MCF2L2: variants seen among roughly 807,000 people sequenced by gnomAD.
MCF2L2 encodes the protein MCF.2 cell line derived transforming sequence-like 2, also known as probable guanine nucleotide exchange factor MCF2L2.
Under a neutral mutation model 150.2 loss-of-function variants are expected in MCF2L2, and 102 were observed. The ratio of observed to expected loss-of-function variants is 0.68; its 90% confidence interval spans 0.58 to 0.80. MCF2L2 has a LOEUF of 0.80. Among genes scored for constraint, MCF2L2 ranks in the 30% least tolerant of loss-of-function variants. MCF2L2 has a pLI of 0.00. For missense variants in MCF2L2, 1,256 were observed against 1,372.8 expected, an observed-to-expected ratio of 0.91 and a Z score of 1.34; for synonymous variants, 465 against 491.3, an observed-to-expected ratio of 0.95 and a Z score of 0.71.
intron 15 of MCF2L2, among the ~76,000 whole-genome samples, chr3:183,269,024 G>A (rs1242149399): frequency 6.6e-6 from 1 of 151,792 alleles, no homozygotes; most frequent in Admixed American, 6.6e-5. Flanking sequence ...TAAAAAAAAA[G>A]AAAAAAGAAG....
chr3:183,334,440 G>A (rs908098920), intron 5 of MCF2L2, among the ~76,000 whole-genome samples: 4 of 152,054 alleles, frequency 2.6e-5, no homozygotes, highest in African/African-American at 7.2e-5. Flanking sequence ...GATGAGCACC[G>A]TGGGCCTCCA....
intron 1 of MCF2L2, among the ~76,000 whole-genome samples, chr3:183,409,286 T>C (rs1424935248): frequency 6.6e-6 from 1 of 152,194 alleles, no homozygotes; most frequent in East Asian, 1.9e-4. Context: ...CACTTTGTCA[T>C]TTACTGGTTT....
At chr3:183,330,209 C>T (rs1029720214) in intron 5 of MCF2L2, among the ~76,000 whole-genome samples, 2 of 135,124 alleles carry the variant, frequency 1.5e-5, no homozygotes, top group African/African-American at 5.7e-5. Context: ...CACACCACTG[C>T]ACTCCTGCCC....
chr3:183,299,650 G>A, intron 11 of MCF2L2: 1 of 207,654 alleles, frequency 4.8e-6, no homozygotes, highest in Non-Finnish European at 9.5e-6. Context: ...CTTTATATGA[G>A]GGAAGCACTC....
intron 21 of MCF2L2, 50 bp downstream of exon 21, chr3:183,219,802 GACAA>G: frequency 8.1e-7 from 1 of 1,233,554 alleles, no homozygotes; most frequent in Non-Finnish European, 1.2e-6. Context: ...CCGACCCATA[GACAA>G]ACACCATTAA....
chr3:183,423,391 C>T (rs1225999195), intron 1 of MCF2L2, among the ~76,000 whole-genome samples: 5 of 152,188 alleles, frequency 3.3e-5, no homozygotes, highest in Admixed American at 3.3e-4. Flanking sequence ...GAGCCTCTGT[C>T]ACCAAAATAG....
In MCF2L2 at chr3:183,296,936, G is replaced by A. The variant is rs371060571; in HGVS notation, c.1497+40C>T. Reference sequence around the variant, plus strand: ...GGTACAGTCCCTCCCTCCCCTATCCGTTTCCCAACCACAGGATCAAAATAA... The same window carrying A: ...GGTACAGTCCCTCCCTCCCCTATCCATTTCCCAACCACAGGATCAAAATAA... On this transcript the variant is annotated intron_variant, in intron 12 of 29. Transcript: ENST00000328913. The A allele has an allele frequency of 5.9e-4, 932 of 1,588,208 alleles. 12 individuals are homozygous for A. In the South Asian group the frequency reaches 9.1e-3, roughly 16 times the overall value.
chr3:183,338,815 A>G lies in MCF2L2; in HGVS notation c.471T>C (p.Phe157=). The change falls in exon 5 of 30, where the codon TTT becomes TTC. Residue 157 remains phenylalanine (F), a synonymous_variant. Transcript: ENST00000328913. ...DIGIKYYRNE[F]KTKVPIIMVN... ...TCTTGCTTACCGGCACTTTCGTTTT[A>G]AACTCATTTCGATAGTATTTAATGC... The G allele has an allele frequency of 6.2e-7, 1 of 1,600,908 alleles. No individual in the cohort carries two copies. Among genetic ancestry groups the G allele is most frequent in the South Asian group, 1.1e-5 (1 of 89,580 alleles).
intron 5 of MCF2L2, among the ~76,000 whole-genome samples, chr3:183,333,935 T>C (rs1462268440): frequency 7.2e-6 from 1 of 138,672 alleles, no homozygotes; most frequent in Admixed American, 7.8e-5. Flanking sequence ...TAGATGATCA[T>C]ATTAGGCCAG....
chr3:183,343,045 A>C (rs1730763586), intron 3 of MCF2L2, among the ~76,000 whole-genome samples: 1 of 152,186 alleles, frequency 6.6e-6, no homozygotes, highest in Non-Finnish European at 1.5e-5. Flanking sequence ...TGAAATAAGG[A>C]CATTTCCAGA....
chr3:183,188,693 C>A (rs1032494990), intron 27 of MCF2L2, among the ~76,000 whole-genome samples: 1 of 152,180 alleles, frequency 6.6e-6, no homozygotes. Flanking sequence ...TACAGCCTGG[C>A]GCGCTGGCTC....
At chr3:183,284,845 T>C (rs895583767) in intron 14 of MCF2L2, among the ~76,000 whole-genome samples, 1 of 152,240 alleles carries the variant, frequency 6.6e-6, no homozygotes. Flanking sequence ...ATCTTTGTTC[T>C]GGAAACTTCA....
intron 27 of MCF2L2, among the ~76,000 whole-genome samples, chr3:183,188,350 G>T (rs1721768101): frequency 6.6e-6 from 1 of 152,188 alleles, no homozygotes; most frequent in Non-Finnish European, 1.5e-5. Flanking sequence ...GAGACATGGG[G>T]AGAAAACAAT....
At chr3:183,402,857 A>T (rs1011039759) in intron 1 of MCF2L2, among the ~76,000 whole-genome samples, 1 of 148,106 alleles carries the variant, frequency 6.8e-6, no homozygotes, top group African/African-American at 2.6e-5. Flanking sequence ...GCCTCATATC[A>T]TAGACAAAAA....
intron 5 of MCF2L2, among the ~76,000 whole-genome samples, chr3:183,337,420 G>A (rs776975446): frequency 1.3e-5 from 2 of 151,954 alleles, no homozygotes; most frequent in Non-Finnish European, 2.9e-5. Flanking sequence ...AGCTGGGCGT[G>A]GTGGCAGGCA....
At chr3:183,242,555 T>C (rs1724076658) in intron 15 of MCF2L2, among the ~76,000 whole-genome samples, 1 of 152,216 alleles carries the variant, frequency 6.6e-6, no homozygotes, top group Non-Finnish European at 1.5e-5. Context: ...ACACGTAGTG[T>C]TGGGCCTGTG....
At chr3:183,199,895 C>G (rs749393436) in intron 25 of MCF2L2, among the ~76,000 whole-genome samples, 2 of 151,238 alleles carry the variant, frequency 1.3e-5, no homozygotes, top group African/African-American at 4.9e-5. Flanking sequence ...TCTGTCCTTG[C>G]GATAGTTTGC....
At chr3:183,189,061 T>A (rs1285556085) in intron 27 of MCF2L2, among the ~76,000 whole-genome samples, 1 of 152,194 alleles carries the variant, frequency 6.6e-6, no homozygotes, top group Non-Finnish European at 1.5e-5. Context: ...CAAGGGACAG[T>A]ACCAAACTGG....
chr3:183,384,332 C>T (rs1434672765), intron 2 of MCF2L2, among the ~76,000 whole-genome samples: 1 of 152,186 alleles, frequency 6.6e-6, no homozygotes, highest in African/African-American at 2.4e-5. Flanking sequence ...TCCATCTTGC[C>T]TGGGGATTAG....
Sources: allele counts gnomAD v4.1 joint callset (sites outside exome capture counted in the v4.1 genomes callset), GRCh38; gene constraint gnomAD v4.1.1; transcripts MANE v1.5; gene names NCBI Gene and HGNC (gene_info 2026-07-23, HGNC 2026-07-21).